ADAMTS17: variants seen among roughly 807,000 people sequenced by gnomAD.
The protein encoded by ADAMTS17 is A disintegrin and metalloproteinase with thrombospondin motifs 17.
Under a neutral mutation model 141.5 loss-of-function variants are expected in ADAMTS17, and 113 were observed. That is an observed-to-expected ratio of 0.80 (90% CI 0.69 to 0.93). The LOEUF (loss-of-function observed/expected upper bound fraction) is 0.93. Among genes scored for constraint, ADAMTS17 ranks in the 40% least tolerant of loss-of-function variants. The pLI is 0.00. For missense variants in ADAMTS17, 1,659 were observed against 1,517.9 expected, an observed-to-expected ratio of 1.09 and a Z score of -1.54; for synonymous variants, 768 against 630.6, an observed-to-expected ratio of 1.22 and a Z score of -3.27.
At chr15:100,069,725 C>A (rs1280112273) in intron 15 of ADAMTS17, among the ~76,000 whole-genome samples, 3 of 151,374 alleles carry the variant, frequency 2.0e-5, no homozygotes, top group African/African-American at 4.9e-5. Context: ...GCCTGCCCTA[C>A]AAGAGCTCCT....
chr15:100,208,649 T>C (rs538579783), intron 7 of ADAMTS17, among the ~76,000 whole-genome samples: 2 of 152,334 alleles, frequency 1.3e-5, no homozygotes, highest in African/African-American at 4.8e-5. Context: ...CTCATGAGTT[T>C]ACAAATATTC....
intron 13 of ADAMTS17, among the ~76,000 whole-genome samples, chr15:100,114,188 A>AG (rs748996595): frequency 6.8e-6 from 1 of 147,776 alleles, no homozygotes; most frequent in East Asian, 2.0e-4. Context: ...AAAAAGGAAG[A>AG]GGAAAAAAAA....
At chr15:100,310,075 G>A (rs1399233319) in intron 3 of ADAMTS17, among the ~76,000 whole-genome samples, 1 of 152,202 alleles carries the variant, frequency 6.6e-6, no homozygotes, top group Non-Finnish European at 1.5e-5. Flanking sequence ...TTTATACTAA[G>A]GCAGGCAGCT....
At chr15:100,271,407 T>C (rs2043906216) in intron 4 of ADAMTS17, among the ~76,000 whole-genome samples, 1 of 152,136 alleles carries the variant, frequency 6.6e-6, no homozygotes. Flanking sequence ...TTTGGTGTTT[T>C]ATTTTTTTGT....
At chr15:100,022,929 G>T (rs2061431341) in intron 18 of ADAMTS17, among the ~76,000 whole-genome samples, 1 of 152,102 alleles carries the variant, frequency 6.6e-6, no homozygotes, top group Admixed American at 6.5e-5. Context: ...TGAGACTTTT[G>T]CTCAGCAAGT....
At chr15:100,271,568 A>AT (rs2043912762) in intron 4 of ADAMTS17, among the ~76,000 whole-genome samples, 2 of 126,028 alleles carry the variant, frequency 1.6e-5, no homozygotes, top group South Asian at 3.1e-4. Context: ...GTCCTTTCCC[A>AT]TTTTTTAAAT....
At chr15:100,002,156 T>A (rs909698665) in intron 18 of ADAMTS17, among the ~76,000 whole-genome samples, 2 of 152,054 alleles carry the variant, frequency 1.3e-5, no homozygotes, top group African/African-American at 4.8e-5. Context: ...GGGCTGCTTT[T>A]TGTCTCTCAT....
intron 15 of ADAMTS17, among the ~76,000 whole-genome samples, chr15:100,065,541 C>T (rs958252458): frequency 6.6e-6 from 1 of 152,012 alleles, no homozygotes; most frequent in Non-Finnish European, 1.5e-5. Flanking sequence ...TCTTCTTTCA[C>T]TATTCTGGTT....
chr15:100,230,432 C>T (rs536498289), intron 7 of ADAMTS17, among the ~76,000 whole-genome samples: 18 of 152,302 alleles, frequency 1.2e-4, no homozygotes, highest in Admixed American at 2.6e-4. Flanking sequence ...CATAGACACA[C>T]GAGCTAATTC....
intron 7 of ADAMTS17, among the ~76,000 whole-genome samples, chr15:100,216,272 A>G (rs187908731): frequency 9.0e-4 from 137 of 152,352 alleles, no homozygotes; most frequent in African/African-American, 3.2e-3. Flanking sequence ...ACCAAGTCCA[A>G]ATTTTTTCTT....
intron 7 of ADAMTS17, among the ~76,000 whole-genome samples, chr15:100,214,061 G>A (rs1322656247): frequency 1.3e-5 from 2 of 151,544 alleles, no homozygotes; most frequent in African/African-American, 4.9e-5. Flanking sequence ...TTTGTTTTTT[G>A]TTTGTTTGTT....
chr15:100,155,826 G>A (rs2039408582), intron 8 of ADAMTS17, among the ~76,000 whole-genome samples: 1 of 152,132 alleles, frequency 6.6e-6, no homozygotes, highest in South Asian at 2.1e-4. Context: ...CATCTAACAA[G>A]ATCACACCTG....
chr15:100,205,935 C>T (rs992101548), intron 7 of ADAMTS17, among the ~76,000 whole-genome samples: 34 of 152,300 alleles, frequency 2.2e-4, no homozygotes, highest in East Asian at 9.7e-4. Flanking sequence ...CTCCAGAGGG[C>T]AAACAAGTGG....
intron 7 of ADAMTS17, among the ~76,000 whole-genome samples, chr15:100,246,691 T>G (rs4246311): frequency 0.68 from 103,323 of 151,924 alleles, 35,430 homozygotes; most frequent in South Asian, 0.82. Context: ...TTTGCCCTCG[T>G]AGGCAATGTC....
In ADAMTS17 at chr15:99,997,933, C is replaced by G. The variant is rs900529988; in HGVS notation, c.2592-344G>C. 6.6e-6 allele frequency among the ~76,000 whole-genome samples: 1 copy of G among 152,178 alleles called. No homozygotes were observed. The highest frequency in any genetic ancestry group is 1.9e-4 in the East Asian group (1 of 5,188). On this transcript the variant is annotated intron_variant, in intron 18 of 21. Transcript: ENST00000268070. The surrounding 1 kb of genome is among the most constrained non-coding windows in gnomAD (Gnocchi z 4.7). ...CGACAGGGTGTGAGTGAAGAGGATG[C>G]TGGCGGCGTCCCGGCAGAAGCTCTG...
rs111930867 is a variant in ADAMTS17, at chr15:100,289,343, A to G, written c.617-7942T>C. The stretch of plus-strand genomic sequence containing the variant: ...AAGTTCCAAAATTGAATCAGTAATA[A>G]AAAGCCTACCAACCAGAAAAAGCCC... On this transcript the variant is annotated intron_variant, in intron 3 of 21. Coordinates refer to ENST00000268070, the MANE Select transcript of ADAMTS17 (RefSeq NM_139057.4). 9.2e-3 allele frequency among the ~76,000 whole-genome samples: 1,394 copies of G among 152,310 alleles called. 20 individuals carry two copies. The highest frequency in any genetic ancestry group is 0.032 in the African/African-American group (1,330 of 41,558).
intron 3 of ADAMTS17, among the ~76,000 whole-genome samples, chr15:100,304,973 C>A (rs964306531): frequency 4.6e-5 from 7 of 152,126 alleles, no homozygotes; most frequent in Admixed American, 6.5e-5. Context: ...ATTTTCTTTT[C>A]TCTAGCTTAC....
At chr15:100,085,749 C>T (rs1288876966) in intron 15 of ADAMTS17, among the ~76,000 whole-genome samples, 1 of 149,656 alleles carries the variant, frequency 6.7e-6, no homozygotes, top group South Asian at 2.1e-4. Context: ...CCAAACTAAG[C>T]TTCATAAGTG....
intron 2 of ADAMTS17, among the ~76,000 whole-genome samples, chr15:100,340,279 G>T (rs1354258380): frequency 6.6e-6 from 1 of 152,172 alleles, no homozygotes; most frequent in African/African-American, 2.4e-5. Flanking sequence ...CTCCCCCTGG[G>T]AGCACCTGTT....
Sources: allele counts gnomAD v4.1 joint callset (sites outside exome capture counted in the v4.1 genomes callset), GRCh38; gene constraint gnomAD v4.1.1; non-coding constraint Gnocchi (gnomAD v3.1); transcripts MANE v1.5; gene names NCBI Gene and HGNC (gene_info 2026-07-23, HGNC 2026-07-21).